LARGE1: variants seen among roughly 807,000 people sequenced by gnomAD.
LARGE1 encodes LARGE xylosyl- and glucuronyltransferase 1, also known as xylosyl- and glucuronyltransferase LARGE1.
Under a neutral mutation model 87.6 loss-of-function variants are expected in LARGE1, and 43 were observed. The observed-to-expected ratio is 0.49, with a 90% CI of 0.38 to 0.63. The LOEUF is 0.63. Ranked by LOEUF, LARGE1 falls within the 30% of genes least tolerant of loss-of-function variation. LARGE1 has a pLI of 0.00. For missense variants in LARGE1, 802 were observed against 1,000.2 expected (o/e 0.80, Z 2.67); for synonymous variants, 434 against 394.6 (o/e 1.10, Z -1.18).
chr22:33,473,097 C>T (rs1569195020), intron 6 of LARGE1, among the ~76,000 whole-genome samples: 2 of 152,082 alleles, frequency 1.3e-5, no homozygotes, highest in African/African-American at 2.4e-5. Flanking sequence ...GCGAGCCACT[C>T]TACTGAGTAT....
At chr22:33,412,306 T>TATATATATA (rs1555912561) in intron 7 of LARGE1, among the ~76,000 whole-genome samples, 54 of 151,420 alleles carry the variant, frequency 3.6e-4, no homozygotes, top group African/African-American at 1.3e-3. Flanking sequence ...TATATATATA[T>TATATATATA]TTATTATTAT....
chr22:33,252,926 G>A (rs960880290), intron 11 of LARGE1, among the ~76,000 whole-genome samples: 1 of 152,200 alleles, frequency 6.6e-6, no homozygotes, highest in South Asian at 2.1e-4. Context: ...ATAGACAAGG[G>A]ATGGATACAT....
intron 6 of LARGE1, among the ~76,000 whole-genome samples, chr22:33,531,563 G>C (rs1212002133): frequency 6.6e-6 from 1 of 152,214 alleles, no homozygotes; most frequent in East Asian, 1.9e-4. Flanking sequence ...TTAATTTACT[G>C]ACTGAAGATC....
chr22:33,423,526 A>G (rs1488115170), intron 7 of LARGE1, among the ~76,000 whole-genome samples: 1 of 151,724 alleles, frequency 6.6e-6, no homozygotes, highest in Non-Finnish European at 1.5e-5. Context: ...AAAAAAATAC[A>G]TAAATTAGCT....
chr22:33,559,529 T>G (rs2077792390), intron 6 of LARGE1, among the ~76,000 whole-genome samples: 1 of 152,180 alleles, frequency 6.6e-6, no homozygotes, highest in African/African-American at 2.4e-5. Context: ...ATGAACAAGG[T>G]CTGTCAAGCC....
intron 7 of LARGE1, among the ~76,000 whole-genome samples, chr22:33,406,497 T>C (rs1033989602): frequency 6.6e-6 from 1 of 151,996 alleles, no homozygotes; most frequent in African/African-American, 2.4e-5. Context: ...GAAACATCCA[T>C]GTTTTGACTT....
chr22:33,283,404 T>C, intron 12 of LARGE1, 56 bp from the exon 13 acceptor site: 1 of 1,602,252 alleles, frequency 6.2e-7, no homozygotes. Context: ...GGCCAAGGTC[T>C]TTCCCCCATG....
At chr22:33,474,863 C>G (rs947678447) in intron 6 of LARGE1, among the ~76,000 whole-genome samples, 15 of 152,248 alleles carry the variant, frequency 9.9e-5, no homozygotes, top group South Asian at 8.3e-4. Context: ...CTCCTGCATC[C>G]AAAACACAGC....
At chr22:33,884,254 C>T (rs1027580637) in intron 1 of LARGE1, among the ~76,000 whole-genome samples, 3 of 152,176 alleles carry the variant, frequency 2.0e-5, no homozygotes, top group African/African-American at 7.2e-5. Context: ...TGCAGCTGTC[C>T]GTCCACACTG....
At position 33,432,148 on chromosome 22, in the gene LARGE1, CCT is replaced by C. The variant is rs758554513; in HGVS notation, c.892+11_892+12del. 3.1e-6 allele frequency: 5 copies of C among 1,604,350 alleles called. No homozygotes were observed. In the African/African-American group the frequency reaches 6.7e-5, roughly 21 times the overall value. On this transcript the variant is annotated intron_variant, in intron 7 of 14. Transcript: ENST00000397394. ...CCTTCTGCAACTCTTCCCATACCAC[CCT>C]GAGGATTTACCTGTGTTGTAGCCTC... is the stretch of plus-strand genomic sequence containing the variant.
chr22:33,572,896 A>G (rs1370450014), intron 5 of LARGE1, among the ~76,000 whole-genome samples: 3 of 151,944 alleles, frequency 2.0e-5, no homozygotes, highest in Non-Finnish European at 4.4e-5. Flanking sequence ...ATAAAAATAA[A>G]ATAAAATGGT....
At chr22:33,463,109 A>G (rs759108437) in intron 6 of LARGE1, among the ~76,000 whole-genome samples, 1 of 152,194 alleles carries the variant, frequency 6.6e-6, no homozygotes. Flanking sequence ...AAAGTATGAC[A>G]ACTAGAAAGC....
chr22:33,250,033 A>G (rs1926942393), intron 11 of LARGE1, among the ~76,000 whole-genome samples: 1 of 152,140 alleles, frequency 6.6e-6, no homozygotes, highest in Non-Finnish European at 1.5e-5. Context: ...TTTGCTCCAC[A>G]TATAAACTTT....
At chr22:33,497,737 A>T (rs892060115) in intron 6 of LARGE1, among the ~76,000 whole-genome samples, 1 of 152,214 alleles carries the variant, frequency 6.6e-6, no homozygotes, top group Non-Finnish European at 1.5e-5. Context: ...AAATATCTGT[A>T]GTTCATATAA....
At chr22:33,402,025 G>T (rs191269765) in intron 7 of LARGE1, among the ~76,000 whole-genome samples, 1 of 152,312 alleles carries the variant, frequency 6.6e-6, no homozygotes, top group African/African-American at 2.4e-5. Context: ...AAGGGCAGAT[G>T]TCTTCTTGAT....
At chr22:33,849,591 T>TC (rs2063527207) in intron 1 of LARGE1, among the ~76,000 whole-genome samples, 1 of 116,912 alleles carries the variant, frequency 8.6e-6, no homozygotes, top group Non-Finnish European at 1.7e-5. Flanking sequence ...TCTTTTCTTC[T>TC]CTTTTTTTTT....
chr22:33,307,082 G>T (rs914599591), intron 11 of LARGE1, among the ~76,000 whole-genome samples: 2 of 152,098 alleles, frequency 1.3e-5, no homozygotes, highest in Admixed American at 1.3e-4. Flanking sequence ...TTTCTGCCAG[G>T]ACCTGAACAA....
At chr22:33,425,690 T>C (rs933011157) in intron 7 of LARGE1, among the ~76,000 whole-genome samples, 12 of 152,230 alleles carry the variant, frequency 7.9e-5, no homozygotes, top group African/African-American at 2.9e-4. Context: ...TAGGATCAAG[T>C]AAAACTGGGA....
intron 10 of LARGE1, among the ~76,000 whole-genome samples, chr22:33,333,603 A>G (rs942725478): frequency 6.6e-6 from 1 of 152,124 alleles, no homozygotes; most frequent in African/African-American, 2.4e-5. Context: ...CTTGGTGGTA[A>G]TTCATTCTTA....
Sources: gnomAD v4.1 joint callset for allele counts (sites outside exome capture counted in the v4.1 genomes callset) on GRCh38, gnomAD v4.1.1 for gene constraint, MANE v1.5 for transcripts, NCBI Gene and HGNC (gene_info 2026-07-23, HGNC 2026-07-21) for gene names.